Variants in RBFOX2 observed in about 807,000 individuals in gnomAD.
RBFOX2 encodes the protein RNA binding fox-1 homolog 2.
RBFOX2 carries 10 observed loss-of-function variants against 49.1 expected under a neutral mutation model. The observed-to-expected ratio is 0.20, with a 90% CI of 0.13 to 0.35. The LOEUF is 0.35. Ranked by LOEUF, RBFOX2 falls within the 10% of genes least tolerant of loss-of-function variation. RBFOX2 has a pLI of 1.00. For missense variants in RBFOX2, 323 were observed against 486.9 expected (o/e 0.66, Z 3.17); for synonymous variants, 183 against 187.4 (o/e 0.98, Z 0.19).
At chr22:35,912,766 A>G (rs1340301153) in intron 1 of RBFOX2, among the ~76,000 whole-genome samples, 1 of 152,188 alleles carries the variant, frequency 6.6e-6, no homozygotes, top group Non-Finnish European at 1.5e-5. Flanking sequence ...AGCATGAATG[A>G]TCAAATAAAA....
At chr22:35,992,269 TAGAG>T in intron 1 of RBFOX2, 1 of 152,148 alleles carries the variant, frequency 6.6e-6, no homozygotes, top group Admixed American at 6.5e-5. Context: ...TAACTCTGCT[TAGAG>T]AGACAACAGA....
At chr22:35,943,704 G>A (rs550183807), upstream of RBFOX2, among the ~76,000 whole-genome samples, 16 of 152,220 alleles carry the variant, frequency 1.1e-4, no homozygotes, top group South Asian at 2.5e-3. Context: ...TGAGACCATC[G>A]TGGCTAACAC....
At chr22:35,943,266 C>A (rs1351666642), upstream of RBFOX2, among the ~76,000 whole-genome samples, 3 of 152,060 alleles carry the variant, frequency 2.0e-5, no homozygotes, top group African/African-American at 7.2e-5. Flanking sequence ...TTTTAATCAG[C>A]ATAAAAACAA....
At chr22:35,993,763 G>A (rs2058073310) in intron 1 of RBFOX2, 2 of 152,190 alleles carry the variant, frequency 1.3e-5, no homozygotes, top group African/African-American at 4.8e-5. Context: ...GAGGCAGATA[G>A]ATCACTTAAG....
chr22:35,785,341 TTG>T (rs1946163767), intron 2 of RBFOX2, among the ~76,000 whole-genome samples: 1 of 152,232 alleles, frequency 6.6e-6, no homozygotes, highest in Non-Finnish European at 1.5e-5. Context: ...TCGAAGAGCC[TTG>T]TGTTTTTACT....
intron 1 of RBFOX2, among the ~76,000 whole-genome samples, chr22:35,863,023 G>A (rs1183325998): frequency 6.6e-6 from 1 of 152,066 alleles, no homozygotes; most frequent in Non-Finnish European, 1.5e-5. Context: ...AGGAATAAGT[G>A]GCCTCAACAG....
chr22:35,937,111 A>G (rs1308384051), intron 1 of RBFOX2, among the ~76,000 whole-genome samples: 2 of 152,244 alleles, frequency 1.3e-5, no homozygotes, highest in African/African-American at 4.8e-5. Context: ...ACTACACAGC[A>G]GAATCACCTT....
chr22:35,770,344 T>C (rs1334538058), intron 4 of RBFOX2, among the ~76,000 whole-genome samples: 2 of 152,326 alleles, frequency 1.3e-5, no homozygotes, highest in South Asian at 2.1e-4. Flanking sequence ...CATTGTAAAT[T>C]AATAGTTGGA....
At chr22:35,902,671 A>T (rs891476449) in intron 1 of RBFOX2, among the ~76,000 whole-genome samples, 1 of 151,730 alleles carries the variant, frequency 6.6e-6, no homozygotes, top group African/African-American at 2.4e-5. Flanking sequence ...TTGAGACAGG[A>T]TCTCACTCTG....
At chr22:36,011,250 A>G (rs1039683823) in intron 1 of RBFOX2, among the ~76,000 whole-genome samples, 20 of 152,186 alleles carry the variant, frequency 1.3e-4, no homozygotes, top group Admixed American at 1.0e-3. Context: ...AGACGAGGAT[A>G]CCTATCTTTC....
At chr22:35,913,359 A>G (rs2050040754) in intron 1 of RBFOX2, among the ~76,000 whole-genome samples, 1 of 151,932 alleles carries the variant, frequency 6.6e-6, no homozygotes, top group Non-Finnish European at 1.5e-5. Flanking sequence ...GAGAAACAGA[A>G]AGTGTTCTCT....
At chr22:35,950,903 C>T (rs1334460058) in intron 1 of RBFOX2, among the ~76,000 whole-genome samples, 1 of 151,412 alleles carries the variant, frequency 6.6e-6, no homozygotes, top group African/African-American at 2.4e-5. Flanking sequence ...GAGTTTTCTT[C>T]CTAGGAGTCA....
upstream of RBFOX2, among the ~76,000 whole-genome samples, chr22:35,842,212 G>GTA (rs1458636961): frequency 6.6e-6 from 1 of 152,132 alleles, no homozygotes; most frequent in Non-Finnish European, 1.5e-5. Context: ...ATGTAACATA[G>GTA]TATATCAGGC....
At chr22:35,909,595 T>G (rs1039567418) in intron 1 of RBFOX2, among the ~76,000 whole-genome samples, 1 of 152,176 alleles carries the variant, frequency 6.6e-6, no homozygotes, top group Non-Finnish European at 1.5e-5. Context: ...CAATCTATCA[T>G]GAAAAGTGCA....
At chr22:35,750,291 G>T (rs1393868754) in intron 9 of RBFOX2, 3 of 572,368 alleles carry the variant, frequency 5.2e-6, no homozygotes, top group South Asian at 3.1e-5. Flanking sequence ...AAAAAGAGGA[G>T]AAATAATTCA....
At chr22:35,869,019 C>T (rs1307742153) in intron 1 of RBFOX2, among the ~76,000 whole-genome samples, 2 of 152,174 alleles carry the variant, frequency 1.3e-5, no homozygotes, top group Non-Finnish European at 2.9e-5. Flanking sequence ...CCCTCAACTG[C>T]TTTCACAGAA....
intron 2 of RBFOX2, among the ~76,000 whole-genome samples, chr22:35,803,482 C>A (rs1277237060): frequency 6.6e-6 from 1 of 152,048 alleles, no homozygotes; most frequent in Non-Finnish European, 1.5e-5. Flanking sequence ...TCAAGACTAG[C>A]CTGGGTAACA....
At chr22:35,860,947 G>A (rs1314281288) in intron 1 of RBFOX2, among the ~76,000 whole-genome samples, 1 of 152,086 alleles carries the variant, frequency 6.6e-6, no homozygotes, top group Non-Finnish European at 1.5e-5. Flanking sequence ...CATTTCTTCT[G>A]AAGTCTGCTA....
intron 1 of RBFOX2, among the ~76,000 whole-genome samples, chr22:35,980,569 T>C (rs1474459543): frequency 7.1e-6 from 1 of 140,742 alleles, no homozygotes; most frequent in Non-Finnish European, 1.5e-5. Context: ...ATCCCCAAAG[T>C]AACCAGGCTT....
Sources: gnomAD v4.1 joint callset for allele counts (sites outside exome capture counted in the v4.1 genomes callset) on GRCh38, gnomAD v4.1.1 for gene constraint, MANE v1.5 for transcripts, NCBI Gene and HGNC (gene_info 2026-07-23, HGNC 2026-07-21) for gene names.